ATP5F1D: variants seen among roughly 807,000 people sequenced by gnomAD.
The protein encoded by ATP5F1D is ATP synthase F(1) complex subunit delta, mitochondrial.
In ATP5F1D, 16 loss-of-function variants were observed where a neutral mutation model predicts 13.0. That is an observed-to-expected ratio of 1.23 (90% CI 0.83 to 1.87). ATP5F1D has a LOEUF of 1.87. ATP5F1D is among the 40% of genes most tolerant of loss of function. The pLI, the probability that ATP5F1D is intolerant of heterozygous loss-of-function variation, is 0.00. For synonymous variants in ATP5F1D, 129 were observed against 116.2 expected (o/e 1.11, Z -0.71); for missense variants, 294 against 246.2 (o/e 1.19, Z -1.30).
chr19:1,244,538 G>T lies in ATP5F1D; in HGVS notation c.*101G>T. On this transcript the variant is annotated 3_prime_UTR_variant, in exon 4 of 4. Coordinates refer to ENST00000215375, the MANE Select transcript of ATP5F1D (RefSeq NM_001687.5). ...GGTCCCGGCCACCTGGGGAAGCCGC[G>T]CCTGCCAAGGAGGCCACCAGAGGGC... 1 of 1,478,976 alleles carries T rather than the reference G, an allele frequency of 6.8e-7. No homozygotes were observed. Among genetic ancestry groups the T allele is most frequent in the Non-Finnish European group, 9.0e-7 (1 of 1,108,130 alleles). The allele number at this position is 1,478,976 out of a possible 1,614,324, so 91.6% of individuals were successfully genotyped here.
chr19:1,242,090 C>G, intron 1 of ATP5F1D, 99 bp downstream of exon 1: 1 of 1,250,528 alleles, frequency 8.0e-7, no homozygotes, highest in Non-Finnish European at 1.0e-6. Flanking sequence ...CCCCCGGACC[C>G]GCGCGCCCCG....
chr19:1,241,910 T>C lies in ATP5F1D; in HGVS notation c.60T>C (p.Arg20=), dbSNP rs2081038885. ...PGLGRLVRHA[R]AYAEAAAAPA... ...TTGGCCGCCTCGTCCGCCACGCCCG[T>C]GCCTATGCCGAGGCCGCCGCCGCCC... Residue 20 remains arginine, a synonymous_variant, in exon 1 of 4, where the codon CGT becomes CGC. Coordinates refer to ENST00000215375, the MANE Select transcript of ATP5F1D (RefSeq NM_001687.5). 6.0e-6 allele frequency: 9 copies of C among 1,491,206 alleles called. No individual in the cohort carries two copies. Among genetic ancestry groups the C allele is most frequent in the Non-Finnish European group, 8.0e-6 (9 of 1,124,034 alleles). The allele number at this position is 1,491,206 out of a possible 1,614,324, so 92.4% of individuals were successfully genotyped here.
At chr19:1,243,096 C>G (rs1191592598) in intron 2 of ATP5F1D, 1 of 152,868 alleles carries the variant, frequency 6.5e-6, no homozygotes, top group Non-Finnish European at 1.5e-5. Flanking sequence ...AAGAAAAATA[C>G]AGTTTTAGCA....
intron 2 of ATP5F1D, 176 bp downstream of exon 2, chr19:1,242,785 T>C: frequency 1.4e-6 from 1 of 714,674 alleles, no homozygotes; most frequent in Non-Finnish European, 2.0e-6. Flanking sequence ...AGGTCAGAAG[T>C]TCGGAGACCA....
rs2081053511 is a variant in ATP5F1D at position 1,244,462 on chromosome 19, G to T, written c.*25G>T. ...GGCGGTGCGTACCCGGTGTCCCGAG[G>T]CCCGGCCAGGGGCTGGGCAGGGATG... On this transcript the variant is annotated 3_prime_UTR_variant, in exon 4 of 4. Coordinates refer to ENST00000215375, the MANE Select transcript of ATP5F1D (RefSeq NM_001687.5). The T allele has an allele frequency of 6.5e-7, 1 of 1,544,452 alleles. No individual in the cohort carries two copies. The highest frequency in any genetic ancestry group is 8.7e-7 in the Non-Finnish European group (1 of 1,143,174).
In ATP5F1D at chr19:1,241,803, G is replaced by C; in HGVS notation, c.-48G>C. The C allele has an allele frequency of 7.8e-7, 1 of 1,287,328 alleles. No individual in the cohort carries two copies. The highest frequency in any genetic ancestry group is 9.8e-7 in the Non-Finnish European group (1 of 1,022,022). The allele number at this position is 1,287,328 out of a possible 1,614,324, so 79.7% of individuals were successfully genotyped here. On this transcript the variant is annotated 5_prime_UTR_variant, in exon 1 of 4. Coordinates refer to ENST00000215375, the MANE Select transcript of ATP5F1D (RefSeq NM_001687.5). ...CCCTCCAGGCCGCCCGCGCCGCGCC[G>C]GAGTCCGCTGTCCGCCAGCTACCCG...
chr19:1,241,857 C>T lies in ATP5F1D; in HGVS notation c.7C>T (p.Pro3Ser), dbSNP rs1420774445. Residue 3 changes from proline to serine, a missense_variant, in exon 1 of 4, where the codon CCC (proline) becomes TCC (serine). Transcript: ENST00000215375. MLPAALLRRPGLG... is the reference protein window; with the variant it reads MLSAALLRRPGLG... The stretch of plus-strand genomic sequence containing the variant: ...CCTGCCGCCCGCCGCTGCCATGCTG[C>T]CCGCCGCGCTGCTCCGCCGCCCGGG... The T allele has an allele frequency of 5.8e-6, 8 of 1,370,068 alleles. No homozygotes were observed. Among genetic ancestry groups the T allele is most frequent in the Non-Finnish European group, 6.6e-6 (7 of 1,064,036 alleles). 84.9% of individuals were successfully genotyped at this position (1,370,068 alleles called of 1,614,324 possible). A position where few individuals can be genotyped will look rare whatever the true frequency, so the allele number is the denominator to read the frequency against.
chr19:1,241,973 C>T lies in ATP5F1D; in HGVS notation c.123C>T (p.Thr41=). Residue 41 remains threonine (T), a synonymous_variant, in exon 1 of 4, where the codon ACC becomes ACT. Transcript: ENST00000215375. ...AASGPNQMSF[T]FASPTQVFFN... ...CTGGCCCCAACCAGATGTCCTTCAC[C>T]TTCGCCTCTCCCACGCAGGTTCGGG... 7 of 1,472,098 alleles carry T rather than the reference C, an allele frequency of 4.8e-6. No individual in the cohort carries two copies. The highest frequency in any genetic ancestry group is 2.7e-5 in the East Asian group (1 of 36,572). 91.2% of individuals were successfully genotyped at this position (1,472,098 alleles called of 1,614,324 possible).
Position 1,241,841 on chromosome 19 carries a change from C to T in ATP5F1D, c.-10C>T, listed in dbSNP as rs967974258. On this transcript the variant is annotated 5_prime_UTR_variant, in exon 1 of 4. Coordinates refer to ENST00000215375, the MANE Select transcript of ATP5F1D (RefSeq NM_001687.5). Reference sequence around the variant, plus strand: ...CGCCAGCTACCCGCTTCCTGCCGCCCGCCGCTGCCATGCTGCCCGCCGCGC... The same window carrying T: ...CGCCAGCTACCCGCTTCCTGCCGCCTGCCGCTGCCATGCTGCCCGCCGCGC... 66 of 1,333,778 alleles carry T rather than the reference C, an allele frequency of 4.9e-5. 1 individual carries two copies. Among genetic ancestry groups the T allele is most frequent in the African/African-American group, 3.9e-4 (25 of 64,932 alleles). The allele number at this position is 1,333,778 out of a possible 1,614,324, so 82.6% of individuals were successfully genotyped here.
rs1568763997 is a variant in ATP5F1D at position 1,242,617 on chromosome 19, C to T, written c.295+8C>T. 3.3e-6 allele frequency: 5 copies of T among 1,500,946 alleles called. No individual in the cohort carries two copies. The East Asian group carries it at 7.8e-5, about 23-fold the overall frequency. The allele number at this position is 1,500,946 out of a possible 1,614,324, so 93.0% of individuals were successfully genotyped here. On this transcript the variant is annotated splice_region_variant and intron_variant, in intron 2 of 3. Coordinates refer to ENST00000215375, the MANE Select transcript of ATP5F1D (RefSeq NM_001687.5). Reference sequence around the variant, plus strand: ...CCACCTCCAAATACTTTGGTGAGTCCGGTGGAGGGCTGCAGGGCCAGGCCA... The same window carrying T: ...CCACCTCCAAATACTTTGGTGAGTCTGGTGGAGGGCTGCAGGGCCAGGCCA...
chr19:1,244,077 C>T lies in ATP5F1D; in HGVS notation c.296-20C>T. On this transcript the variant is annotated intron_variant, in intron 2 of 3. Coordinates refer to ENST00000215375, the MANE Select transcript of ATP5F1D (RefSeq NM_001687.5). ...CAGCCCTTTGGGGTCTCACGCCTTC[C>T]CCCCGCCCCATTCCCCCAGTGAGCA... 6.2e-6 allele frequency: 10 copies of T among 1,601,370 alleles called. No individual in the cohort carries two copies. Among genetic ancestry groups the T allele is most frequent in the South Asian group, 1.1e-5 (1 of 89,100 alleles).
rs1486816433 is a variant in ATP5F1D at position 1,242,776 on chromosome 19, G to A, written c.295+167G>A. On this transcript the variant is annotated intron_variant, in intron 2 of 3. Coordinates refer to ENST00000215375, the MANE Select transcript of ATP5F1D (RefSeq NM_001687.5). ...AGGCCGAGGCAGGTGGATCACCTGA[G>A]GTCAGAAGTTCGGAGACCAGCCTGG... The A allele has an allele frequency of 9.7e-6, 8 of 827,688 alleles. No homozygotes were observed. In the Admixed American group the frequency reaches 1.2e-4, roughly 13 times the overall value. 51.3% of individuals were successfully genotyped at this position (827,688 alleles called of 1,614,324 possible).
Position 1,242,447 on chromosome 19 carries a change from T to C in ATP5F1D, c.142-9T>C. ...GCCCCGCCATCATTCCCCACGCTGT[T>C]GTCTGCAGGTGTTCTTCAACGGTGC... is the stretch of plus-strand genomic sequence containing the variant. On this transcript the variant is annotated splice_polypyrimidine_tract_variant and intron_variant, in intron 1 of 3. Coordinates refer to ENST00000215375, the MANE Select transcript of ATP5F1D (RefSeq NM_001687.5). 6.6e-7 allele frequency: 1 copy of C among 1,510,468 alleles called. No homozygotes were observed. The highest frequency in any genetic ancestry group is 8.9e-7 in the Non-Finnish European group (1 of 1,122,378). The allele number at this position is 1,510,468 out of a possible 1,614,324, so 93.6% of individuals were successfully genotyped here. A position where few individuals can be genotyped will look rare whatever the true frequency, so the allele number is the denominator to read the frequency against.
intron 2 of ATP5F1D, among the ~76,000 whole-genome samples, chr19:1,243,825 T>G (rs749052263): frequency 2.1e-4 from 32 of 152,300 alleles, no homozygotes; most frequent in Non-Finnish European, 4.1e-4. Context: ...GGGTGGTGGG[T>G]CAGAGGGAGG....
chr19:1,242,570 G>A lies in ATP5F1D; in HGVS notation c.256G>A (p.Val86Met). The change falls in exon 2 of 4, where the codon GTG becomes ATG. Residue 86 changes from valine to methionine, a missense_variant. Coordinates refer to ENST00000215375, the MANE Select transcript of ATP5F1D (RefSeq NM_001687.5). ...GCAGGTCCTGCGGCCGGGGCTGGTC[G>A]TGGTGCATGCAGAGGACGGCACCAC... Reference protein sequence around the residue: ...TLQVLRPGLVVVHAEDGTTSK... With the variant: ...TLQVLRPGLVMVHAEDGTTSK... The A allele has an allele frequency of 1.3e-6, 2 of 1,544,694 alleles. No individual in the cohort carries two copies. Among genetic ancestry groups the A allele is most frequent in the Non-Finnish European group, 1.7e-6 (2 of 1,143,440 alleles).
At chr19:1,242,259 C>A in intron 1 of ATP5F1D, 197 bp from the exon 2 acceptor site, 1 of 781,688 alleles carries the variant, frequency 1.3e-6, no homozygotes, top group Non-Finnish European at 1.8e-6. Context: ...GTTGCATTCC[C>A]ATTTCGCGGA....
At position 1,241,880 on chromosome 19, in the gene ATP5F1D, G is replaced by A. The variant is rs1207621711; in HGVS notation, c.30G>A (p.Pro10=). The A allele has an allele frequency of 1.4e-6, 2 of 1,418,896 alleles. No individual in the cohort carries two copies. Among genetic ancestry groups the A allele is most frequent in the Non-Finnish European group, 1.8e-6 (2 of 1,088,324 alleles). 87.9% of individuals were successfully genotyped at this position (1,418,896 alleles called of 1,614,324 possible). Residue 10 remains proline, a synonymous_variant, in exon 1 of 4, where the codon CCG becomes CCA. Coordinates refer to ENST00000215375, the MANE Select transcript of ATP5F1D (RefSeq NM_001687.5). The part of the protein sequence containing the change: MLPAALLRR[P]GLGRLVRHAR... ...TGCCCGCCGCGCTGCTCCGCCGCCC[G>A]GGACTTGGCCGCCTCGTCCGCCACG...
chr19:1,244,621 GGCC>G lies in ATP5F1D; in HGVS notation c.*185_*187del. 1.0e-6 allele frequency: 1 copy of G among 961,476 alleles called. No homozygotes were observed. The highest frequency in any genetic ancestry group is 1.8e-5 in the South Asian group (1 of 56,734). 59.6% of individuals were successfully genotyped at this position (961,476 alleles called of 1,614,324 possible). A position where few individuals can be genotyped will look rare whatever the true frequency, so the allele number is the denominator to read the frequency against. ...CCTGTGTTGAAAGCTCTGGGGACTG[GGCC>G]AGGGAAGCTCCTCCTCAGCTTTGAG... On this transcript the variant is annotated 3_prime_UTR_variant, in exon 4 of 4. Transcript: ENST00000215375.
At chr19:1,242,359 G>T in intron 1 of ATP5F1D, 97 bp from the exon 2 acceptor site, 1 of 1,373,392 alleles carries the variant, frequency 7.3e-7, no homozygotes, top group East Asian at 2.8e-5. Flanking sequence ...TCAGCGCCAG[G>T]TCCTGCCCTG....
Sources: allele counts gnomAD v4.1 joint callset (sites outside exome capture counted in the v4.1 genomes callset), GRCh38; gene constraint gnomAD v4.1.1; transcripts MANE v1.5; gene names NCBI Gene and HGNC (gene_info 2026-07-23, HGNC 2026-07-21).